PLAC1: variants seen among roughly 807,000 people sequenced by gnomAD.
PLAC1 encodes the protein placenta-specific protein 1.
For synonymous variants in PLAC1, 68 were observed against 62.1 expected (o/e 1.09, Z -0.44); for missense variants, 136 against 163.2 (o/e 0.83, Z 0.91).
chrX:134,668,588 T>C (rs2078444782), intron 2 of PLAC1, among the ~76,000 whole-genome samples: 1 of 112,853 alleles, frequency 8.9e-6, no homozygotes, highest in Non-Finnish European at 1.9e-5. Context: ...TTAAGGGATG[T>C]CTGCTTTTTT....
At chrX:134,760,046 T>C in intron 1 of PLAC1, among the ~76,000 whole-genome samples, 1 of 111,873 alleles carries the variant, frequency 8.9e-6, no homozygotes, top group South Asian at 3.7e-4. Context: ...CAAAAATATA[T>C]TGTACTTGGG....
chrX:134,686,385 C>T (rs1383580498), intron 2 of PLAC1, among the ~76,000 whole-genome samples: 2 of 111,778 alleles, frequency 1.8e-5, no homozygotes, highest in African/African-American at 6.5e-5. Context: ...GCTGGTTTGA[C>T]TCTTCTGTGG....
rs201764560 is a variant in PLAC1 at position 134,575,458 on chromosome X, C to A, written c.-58-8718G>T. 8.3e-4 allele frequency among the ~76,000 whole-genome samples: 57 copies of A among 68,790 alleles called. 1 individual carries two copies. Among genetic ancestry groups the A allele is most frequent in the East Asian group, 1.1e-3 (2 of 1,797 alleles). 59.7% of individuals were successfully genotyped at this position (68,790 alleles called of 115,157 possible). A position where few individuals can be genotyped will look rare whatever the true frequency, so the allele number is the denominator to read the frequency against. ...GACCCTGTCTCCAAAAAAAAACAAACAAAAAAAAAAGAGCAAGAACAGGGT... is the reference window on the plus strand; with the variant it reads ...GACCCTGTCTCCAAAAAAAAACAAAAAAAAAAAAAAGAGCAAGAACAGGGT... On this transcript the variant is annotated intron_variant, in intron 2 of 2. Coordinates refer to ENST00000359237, the MANE Select transcript of PLAC1 (RefSeq NM_021796.4).
chrX:134,575,158 C>T (rs1399056485), intron 2 of PLAC1, among the ~76,000 whole-genome samples: 2 of 110,778 alleles, frequency 1.8e-5, no homozygotes, highest in South Asian at 7.8e-4. Context: ...AGGCTAACTT[C>T]ACGTCAGTTT....
intron 1 of PLAC1, among the ~76,000 whole-genome samples, chrX:134,641,545 A>C (rs1244151912): frequency 1.8e-5 from 2 of 112,272 alleles, no homozygotes; most frequent in East Asian, 5.6e-4. Context: ...AGGAAGTGAG[A>C]CCATCTTTCC....
intron 2 of PLAC1, among the ~76,000 whole-genome samples, chrX:134,693,678 TGAGA>T (rs756777420): frequency 7.5e-5 from 8 of 106,459 alleles, no homozygotes; most frequent in African/African-American, 2.4e-4. Context: ...CAGAAGAAAT[TGAGA>T]GAGAGAGAGA....
intron 2 of PLAC1, among the ~76,000 whole-genome samples, chrX:134,695,997 C>A (rs1299705405): frequency 1.8e-5 from 2 of 110,414 alleles, no homozygotes; most frequent in Non-Finnish European, 3.8e-5. Context: ...AAAAAGACAT[C>A]CAGTTAAATT....
In PLAC1 at chrX:134,566,380, A is replaced by G; in HGVS notation, c.303T>C (p.Ser101=). Reference sequence around the variant, plus strand: ...CAAACTTAGATGGCGTGCCCTTAGAAGAGTAGTGTATCTCAGTGCTGTAGA... The same window carrying G: ...CAAACTTAGATGGCGTGCCCTTAGAGGAGTAGTGTATCTCAGTGCTGTAGA... ...MVIYSTEIHY[S]SKGTPSKFVI... is the part of the protein sequence containing the mutation. Residue 101 remains serine, a synonymous_variant, in exon 3 of 3, where the codon TCT becomes TCC. Coordinates refer to ENST00000359237, the MANE Select transcript of PLAC1 (RefSeq NM_021796.4). The G allele has an allele frequency of 8.3e-7, 1 of 1,211,570 alleles. No homozygotes were observed. Among genetic ancestry groups the G allele is most frequent in the Non-Finnish European group, 1.1e-6 (1 of 895,361 alleles).
At chrX:134,745,802 T>C (rs1417825078) in intron 1 of PLAC1, among the ~76,000 whole-genome samples, 1 of 111,352 alleles carries the variant, frequency 9.0e-6, no homozygotes, top group Non-Finnish European at 1.9e-5. Context: ...CCCTTTATGA[T>C]TCTATACATG....
chrX:134,680,678 G>A (rs926889672), intron 2 of PLAC1, among the ~76,000 whole-genome samples: 1 of 111,801 alleles, frequency 8.9e-6, no homozygotes, highest in Admixed American at 9.5e-5. Flanking sequence ...TAAGGGTTTG[G>A]AAAATCAGTT....
At chrX:134,685,761 A>C (rs958585632) in intron 2 of PLAC1, among the ~76,000 whole-genome samples, 3 of 111,555 alleles carry the variant, frequency 2.7e-5, no homozygotes, top group Non-Finnish European at 5.7e-5. Context: ...GTGTTCCCTT[A>C]TTGGGGCTTG....
intron 1 of PLAC1, among the ~76,000 whole-genome samples, chrX:134,752,186 A>G (rs1247754391): frequency 8.9e-6 from 1 of 112,156 alleles, no homozygotes; most frequent in Admixed American, 9.5e-5. Flanking sequence ...TTTTCTCAGG[A>G]CTAGTTTCAA....
At chrX:134,711,249 C>T (rs1381858292) in intron 2 of PLAC1, among the ~76,000 whole-genome samples, 1 of 112,159 alleles carries the variant, frequency 8.9e-6, no homozygotes, top group African/African-American at 3.2e-5. Flanking sequence ...CACTTCCCCA[C>T]TCAATTATGC....
chrX:134,638,009 G>T (rs1211990093), intron 1 of PLAC1, among the ~76,000 whole-genome samples: 1 of 112,405 alleles, frequency 8.9e-6, no homozygotes, highest in Non-Finnish European at 1.9e-5. Context: ...ACAAAATGTG[G>T]TCTGAAGCCC....
At chrX:134,579,999 A>G (rs2077966365) in intron 2 of PLAC1, among the ~76,000 whole-genome samples, 1 of 112,102 alleles carries the variant, frequency 8.9e-6, no homozygotes, top group Non-Finnish European at 1.9e-5. Context: ...TTAATTTCCC[A>G]CGTGGCTACC....
At chrX:134,606,292 G>T (rs1474334685) in intron 1 of PLAC1, 2 of 110,700 alleles carry the variant, frequency 1.8e-5, no homozygotes, top group Non-Finnish European at 3.8e-5. Flanking sequence ...GTAGTGATGT[G>T]CGTGTGCTGA....
chrX:134,749,024 A>G (rs1810938395), intron 1 of PLAC1, among the ~76,000 whole-genome samples: 1 of 112,205 alleles, frequency 8.9e-6, no homozygotes, highest in African/African-American at 3.2e-5. Context: ...CTGCAATGAA[A>G]ACAAGAATCA....
chrX:134,706,614 T>C (rs2078605391), intron 2 of PLAC1, among the ~76,000 whole-genome samples: 1 of 112,064 alleles, frequency 8.9e-6, no homozygotes, highest in Non-Finnish European at 1.9e-5. Context: ...GACACAGATA[T>C]TACAATTACC....
At chrX:134,649,312 C>T (rs1442629293) in intron 1 of PLAC1, among the ~76,000 whole-genome samples, 2 of 109,170 alleles carry the variant, frequency 1.8e-5, no homozygotes, top group Non-Finnish European at 3.8e-5. Flanking sequence ...CAAAACTCAT[C>T]ACTTCCTAAT....
Sources: gnomAD v4.1 joint callset for allele counts (sites outside exome capture counted in the v4.1 genomes callset) on GRCh38, gnomAD v4.1.1 for gene constraint, MANE v1.5 for transcripts, NCBI Gene and HGNC (gene_info 2026-07-23, HGNC 2026-07-21) for gene names.